EBF1: variants seen among roughly 807,000 people sequenced by gnomAD.
EBF1 encodes EBF transcription factor 1, also known as transcription factor COE1.
Under a neutral mutation model 68.4 loss-of-function variants are expected in EBF1, and 10 were observed. The ratio of observed to expected loss-of-function variants is 0.15; its 90% CI spans 0.09 to 0.25. The LOEUF is 0.25. Among genes scored for constraint, EBF1 ranks in the 10% least tolerant of loss-of-function variants. The pLI, the probability that EBF1 is intolerant of heterozygous loss-of-function variation, is 1.00. For missense variants in EBF1, 509 were observed against 794.4 expected, an observed-to-expected ratio of 0.64 and a Z score of 4.32; for synonymous variants, 298 against 299.8, an observed-to-expected ratio of 0.99 and a Z score of 0.06.
chr5:158,844,644 G>A (rs1202076599), intron 6 of EBF1, among the ~76,000 whole-genome samples: 2 of 152,210 alleles, frequency 1.3e-5, no homozygotes, highest in African/African-American at 4.8e-5. Flanking sequence ...ATGTCCTGAT[G>A]TCTAGTTATA....
At chr5:159,017,752 GA>G (rs1765896808) in intron 6 of EBF1, among the ~76,000 whole-genome samples, 1 of 152,222 alleles carries the variant, frequency 6.6e-6, no homozygotes, top group South Asian at 2.1e-4. Flanking sequence ...TTCAGGAAAA[GA>G]CGGAAATCAG....
intron 6 of EBF1, among the ~76,000 whole-genome samples, chr5:159,016,065 T>C (rs1765564048): frequency 6.6e-6 from 1 of 152,206 alleles, no homozygotes; most frequent in Admixed American, 6.5e-5. Context: ...TGGAGGTGGG[T>C]AGAGACTGTC....
At position 158,807,836 on chromosome 5, in the gene EBF1, C is replaced by T. The variant is rs185250676; in HGVS notation, c.779-11361G>A. Among the ~76,000 whole-genome samples the T allele has an allele frequency of 7.2e-5, 11 of 152,256 alleles. No homozygotes were observed. The East Asian group carries it at 2.1e-3, about 29-fold the overall frequency. On this transcript the variant is annotated intron_variant, in intron 8 of 15. Transcript: ENST00000313708. ...TTCCTGAAGGATTTTTATTGTCATG[C>T]AAGACAGCATAGATAGTGACTTTTT...
intron 15 of EBF1, among the ~76,000 whole-genome samples, chr5:158,700,756 G>A (rs943030471): frequency 2.0e-5 from 3 of 152,052 alleles, no homozygotes; most frequent in African/African-American, 4.8e-5. Context: ...TCATTTACAC[G>A]TAAATCATCC....
chr5:159,093,634 G>C (rs1314794520), intron 4 of EBF1, among the ~76,000 whole-genome samples: 2 of 151,844 alleles, frequency 1.3e-5, no homozygotes, highest in Non-Finnish European at 2.9e-5. Context: ...TTGATGTATT[G>C]CTTTAAAAAT....
rs531610270 is a variant in EBF1 at position 158,933,223 on chromosome 5, C to CA, written c.555-93114dup. ...AAACTTTTTCCCAGAGACTGTTTTT[C>CA]AAAAAAAAAAAATGTTTGAAATTGC... On this transcript the variant is annotated intron_variant, in intron 6 of 15. Coordinates refer to ENST00000313708, the MANE Select transcript of EBF1 (RefSeq NM_024007.5). Among the ~76,000 whole-genome samples the CA allele has an allele frequency of 3.5e-3, 500 of 141,378 alleles. 2 individuals carry two copies. Among genetic ancestry groups the CA allele is most frequent in the South Asian group, 6.2e-3 (27 of 4,386 alleles). The allele number at this position is 141,378 out of a possible 152,430, so 92.7% of individuals were successfully genotyped here. A position where few individuals can be genotyped will look rare whatever the true frequency, so the allele number is the denominator to read the frequency against.
At chr5:158,773,324 G>C (rs1180133387) in intron 10 of EBF1, among the ~76,000 whole-genome samples, 2 of 152,178 alleles carry the variant, frequency 1.3e-5, no homozygotes, top group Non-Finnish European at 2.9e-5. Flanking sequence ...GGTACAAACA[G>C]GAAGTATTTC....
intron 6 of EBF1, among the ~76,000 whole-genome samples, chr5:158,917,167 T>C (rs1807380512): frequency 6.6e-6 from 1 of 152,204 alleles, no homozygotes; most frequent in Non-Finnish European, 1.5e-5. Context: ...ATGATGTTCT[T>C]AGTTATTAAG....
intron 6 of EBF1, among the ~76,000 whole-genome samples, chr5:158,981,182 TC>T (rs1421328497): frequency 6.6e-6 from 1 of 151,560 alleles, no homozygotes; most frequent in Non-Finnish European, 1.5e-5. Context: ...GACTATAATA[TC>T]CTTGCATCAA....
At chr5:158,957,755 T>C (rs755768254) in intron 6 of EBF1, among the ~76,000 whole-genome samples, 1 of 152,200 alleles carries the variant, frequency 6.6e-6, no homozygotes, top group Non-Finnish European at 1.5e-5. Flanking sequence ...AAACATTTCA[T>C]AGTTCCTTTA....
chr5:158,906,520 T>C (rs1182711652), intron 6 of EBF1, among the ~76,000 whole-genome samples: 1 of 152,130 alleles, frequency 6.6e-6, no homozygotes, highest in Non-Finnish European at 1.5e-5. Flanking sequence ...AACAGGCAGG[T>C]GCAGGGGAGG....
chr5:159,072,530 A>T (rs1777998348), intron 6 of EBF1, among the ~76,000 whole-genome samples: 1 of 151,952 alleles, frequency 6.6e-6, no homozygotes, highest in Non-Finnish European at 1.5e-5. Context: ...TATTGGCAAG[A>T]CTCTTTTTCC....
At position 158,775,521 on chromosome 5, in the gene EBF1, T is replaced by C. The variant is rs115697099; in HGVS notation, c.1036+1892A>G. On this transcript the variant is annotated intron_variant, in intron 10 of 15. Transcript: ENST00000313708. ...CCTTTTCTTGTTCTTAATAGCTGAG[T>C]AAATAAGCAGCCAGCGAGGCCTAAT... is the stretch of plus-strand genomic sequence containing the variant. Among the ~76,000 whole-genome samples, 1,412 of 151,962 alleles carry C rather than the reference T, an allele frequency of 9.3e-3. 27 individuals are homozygous for C. Among genetic ancestry groups the C allele is most frequent in the African/African-American group, 0.032 (1,321 of 41,432 alleles).
At chr5:158,863,406 C>T (rs535542161) in intron 6 of EBF1, among the ~76,000 whole-genome samples, 1 of 152,308 alleles carries the variant, frequency 6.6e-6, no homozygotes, top group South Asian at 2.1e-4. Flanking sequence ...ACCAATCTCC[C>T]CGGAATGAGA....
At chr5:158,867,087 T>C (rs1796056818) in intron 6 of EBF1, among the ~76,000 whole-genome samples, 1 of 151,972 alleles carries the variant, frequency 6.6e-6, no homozygotes, top group Non-Finnish European at 1.5e-5. Context: ...GACAGTCCCA[T>C]AAAAGTGGTC....
chr5:158,892,426 C>T (rs1801362229), intron 6 of EBF1, among the ~76,000 whole-genome samples: 1 of 152,016 alleles, frequency 6.6e-6, no homozygotes, highest in Non-Finnish European at 1.5e-5. Flanking sequence ...GAGGCGGAGG[C>T]TTCAGGGAGC....
chr5:159,081,441 C>T (rs181715063), intron 5 of EBF1, among the ~76,000 whole-genome samples: 31 of 152,314 alleles, frequency 2.0e-4, no homozygotes, highest in African/African-American at 7.0e-4. Context: ...GGACTATCTG[C>T]AGTTTCAGGC....
rs189336073 is a variant in EBF1, at chr5:158,838,172, G to A, written c.636+1857C>T. Among the ~76,000 whole-genome samples the A allele has an allele frequency of 5.9e-5, 9 of 152,054 alleles. 1 individual carries two copies. Among genetic ancestry groups the A allele is most frequent in the Admixed American group, 3.9e-4 (6 of 15,262 alleles). ...GAAACCTCCCCATTCCTGGCCAGGC[G>A]CAGTGGCTCACGCCTGTAATTCCAG... On this transcript the variant is annotated intron_variant, in intron 7 of 15. Transcript: ENST00000313708.
At position 159,077,464 on chromosome 5, in the gene EBF1, T is replaced by A. The variant is rs76935443; in HGVS notation, c.486-4000A>T. Among the ~76,000 whole-genome samples the A allele has an allele frequency of 3.3e-3, 508 of 152,108 alleles. 20 individuals carry two copies. In the East Asian group the frequency reaches 0.076, roughly 23 times the overall value. ...AGAAAAAAGAAAGAAATGACTGCCCTAGAGCACTCTAGCTCCTTATTCTGC... is the reference window on the plus strand; with the variant it reads ...AGAAAAAAGAAAGAAATGACTGCCCAAGAGCACTCTAGCTCCTTATTCTGC... On this transcript the variant is annotated intron_variant, in intron 5 of 15. Coordinates refer to ENST00000313708, the MANE Select transcript of EBF1 (RefSeq NM_024007.5).
Sources: gnomAD v4.1 joint callset for allele counts (sites outside exome capture counted in the v4.1 genomes callset) on GRCh38, gnomAD v4.1.1 for gene constraint, MANE v1.5 for transcripts, NCBI Gene and HGNC (gene_info 2026-07-23, HGNC 2026-07-21) for gene names.